The following FBF1 variants were observed in gnomAD, a reference collection of about 807,000 sequenced individuals.
FBF1 encodes the protein fas-binding factor 1.
In FBF1, 119 loss-of-function variants were observed where a neutral mutation model predicts 147.2. That is an observed-to-expected ratio of 0.81 (90% CI 0.70 to 0.94). FBF1 has a LOEUF of 0.94. Ranked by LOEUF, FBF1 falls within the 40% of genes least tolerant of loss-of-function variation. The pLI is 0.00. For missense variants in FBF1, 1,449 were observed against 1,500.8 expected, an observed-to-expected ratio of 0.97 and a Z score of 0.57; for synonymous variants, 601 against 609.0, an observed-to-expected ratio of 0.99 and a Z score of 0.19.
At chr17:75,938,445 C>A (rs780734387) in intron 1 of FBF1, among the ~76,000 whole-genome samples, 6 of 148,290 alleles carry the variant, frequency 4.0e-5, no homozygotes, top group Non-Finnish European at 8.9e-5. Context: ...TGTAATCCCG[C>A]AGCAGGAGGC....
In FBF1 at chr17:75,926,326, T is replaced by C. The variant is rs1013597138; in HGVS notation, c.696A>G (p.Gly232=). 5 of 1,613,304 alleles carry C rather than the reference T, an allele frequency of 3.1e-6. No homozygotes were observed. The East Asian group carries it at 1.1e-4, about 36-fold the overall frequency. ...GDDIMATLGF[G]DSPKAEKRQI... ...GCCTCTTCTCTGCTTTGGGGCTGTC[T>C]CCAAACCCCAAGGTGGCCATGATGT... Residue 232 remains glycine (G), a synonymous_variant, in exon 11 of 30, where the codon GGA becomes GGG. Coordinates refer to ENST00000636174, the MANE Select transcript of FBF1 (RefSeq NM_001319193.2).
intron 7 of FBF1, among the ~76,000 whole-genome samples, chr17:75,929,078 A>G (rs1314318272): frequency 6.6e-6 from 1 of 151,258 alleles, no homozygotes; most frequent in Admixed American, 6.6e-5. Context: ...GCAGCCTCCA[A>G]CTCCTAGGCT....
intron 16 of FBF1, 53 bp from the exon 17 acceptor site, chr17:75,921,355 C>A (rs1055349563): frequency 1.3e-6 from 2 of 1,560,798 alleles, no homozygotes; most frequent in East Asian, 2.4e-5. Flanking sequence ...ACTGGGCCTG[C>A]GAGTGTCCAG....
chr17:75,912,622 A>T (rs572164525), intron 28 of FBF1, among the ~76,000 whole-genome samples: 2 of 152,352 alleles, frequency 1.3e-5, no homozygotes, highest in East Asian at 3.9e-4. Context: ...ACAGTGGAAA[A>T]CTGTGCTGAT....
rs1350398141 is a variant in FBF1, at chr17:75,918,775, AG to A, written c.2139-507del. Reference sequence around the variant, plus strand: ...CCAAAGCACTGGGATTACAGGTGTGAGCCACCACGCCCGGCCCCAAGCAGTC... The same window carrying A: ...CCAAAGCACTGGGATTACAGGTGTGACCACCACGCCCGGCCCCAAGCAGTC... On this transcript the variant is annotated intron_variant, in intron 20 of 29. Coordinates refer to ENST00000636174, the MANE Select transcript of FBF1 (RefSeq NM_001319193.2). The surrounding 1 kb of genome is among the most constrained non-coding windows in gnomAD (Gnocchi z 5.8). Among the ~76,000 whole-genome samples, 2 of 149,392 alleles carry A rather than the reference AG, an allele frequency of 1.3e-5. No individual in the cohort carries two copies. Among genetic ancestry groups the A allele is most frequent in the Admixed American group, 6.7e-5 (1 of 14,982 alleles).
chr17:75,935,522 C>T (rs760298073), intron 4 of FBF1, 110 bp downstream of exon 4: 83 of 1,150,472 alleles, frequency 7.2e-5, no homozygotes, highest in East Asian at 2.9e-4. Context: ...GTTTAGGAGG[C>T]GGGAGGATCA....
At position 75,912,166 on chromosome 17, in the gene FBF1, G is replaced by A. The variant is rs540792714; in HGVS notation, c.3363+26C>T. ...AGCTGGAAGGACTCGTGAACACAAG[G>A]ATCCCCAAGGCCAGGAGAGACTCAC... On this transcript the variant is annotated intron_variant, in intron 29 of 29. Coordinates refer to ENST00000636174, the MANE Select transcript of FBF1 (RefSeq NM_001319193.2). 28 of 1,579,062 alleles carry A rather than the reference G, an allele frequency of 1.8e-5. No individual in the cohort carries two copies. The East Asian group carries it at 6.2e-4, about 35-fold the overall frequency.
At chr17:75,929,964 C>CCCCTTTAAAAAA in intron 7 of FBF1, 33 bp downstream of exon 7, 2 of 1,402,202 alleles carry the variant, frequency 1.4e-6, no homozygotes, top group Non-Finnish European at 2.0e-6. Flanking sequence ...CACCCACCCC[C>CCCCTTTAAAAAA]AGTTCTAAGA....
chr17:75,912,315 G>C lies in FBF1; in HGVS notation c.3248-8C>G, dbSNP rs1221675659. 6.4e-7 allele frequency: 1 copy of C among 1,569,368 alleles called. No individual in the cohort carries two copies. Among genetic ancestry groups the C allele is most frequent in the East Asian group, 2.3e-5 (1 of 43,766 alleles). On this transcript the variant is annotated splice_polypyrimidine_tract_variant and splice_region_variant and intron_variant, in intron 28 of 29. Coordinates refer to ENST00000636174, the MANE Select transcript of FBF1 (RefSeq NM_001319193.2). Reference sequence around the variant, plus strand: ...GAGCAGGAGGCATGAGGGCTGAAAAGGCCAAGGAGGAAGTCAGGGACCAAA... The same window carrying C: ...GAGCAGGAGGCATGAGGGCTGAAAACGCCAAGGAGGAAGTCAGGGACCAAA...
At position 75,918,554 on chromosome 17, in the gene FBF1, G is replaced by T. The variant is rs917882820; in HGVS notation, c.2139-285C>A. 6.6e-6 allele frequency among the ~76,000 whole-genome samples: 1 copy of T among 152,112 alleles called. No homozygotes were observed. The highest frequency in any genetic ancestry group is 2.4e-5 in the African/African-American group (1 of 41,432). ...ACTCTGTCGCCCAGGCTGGAGTTCAGTGGCATGATCTCGGCTCACTGCAAC... is the reference window on the plus strand; with the variant it reads ...ACTCTGTCGCCCAGGCTGGAGTTCATTGGCATGATCTCGGCTCACTGCAAC... On this transcript the variant is annotated intron_variant, in intron 20 of 29. Coordinates refer to ENST00000636174, the MANE Select transcript of FBF1 (RefSeq NM_001319193.2). This position sits in a 1 kb window ranked among gnomAD's most constrained non-coding sequence, Gnocchi z 5.8.
intron 2 of FBF1, chr17:75,937,803 G>A (rs1433666584): frequency 1.5e-6 from 1 of 650,230 alleles, no homozygotes; most frequent in Non-Finnish European, 2.7e-6. Context: ...AACCAGCGAT[G>A]GGTGCCAATG....
Position 75,940,879 on chromosome 17 carries a change from A to C in FBF1, c.-115T>G, listed in dbSNP as rs1001952107. ...GAGCGCCCGGCCTATCTGGCCCCGG[A>C]GCGCAGCCTGTAACGCTCTCAGCCC... On this transcript the variant is annotated 5_prime_UTR_variant, in exon 1 of 30. Transcript: ENST00000636174. The C allele has an allele frequency of 1.4e-4, 21 of 153,650 alleles. No homozygotes were observed. Among genetic ancestry groups the C allele is most frequent in the African/African-American group, 4.8e-4 (20 of 41,428 alleles). 9.5% of individuals were successfully genotyped at this position (153,650 alleles called of 1,614,324 possible). A position where few individuals can be genotyped will look rare whatever the true frequency, so the allele number is the denominator to read the frequency against.
Position 75,910,259 on chromosome 17 carries a change from C to T in FBF1, c.*464G>A, listed in dbSNP as rs2065449429. Reference sequence around the variant, plus strand: ...TGTCAGGAGGCCAGAGGGCCCTTCTCCAGCTCATCAGGGAGGGAACTGCTC... The same window carrying T: ...TGTCAGGAGGCCAGAGGGCCCTTCTTCAGCTCATCAGGGAGGGAACTGCTC... On this transcript the variant is annotated 3_prime_UTR_variant, in exon 30 of 30. Transcript: ENST00000636174. The surrounding 1 kb of genome is among the most constrained non-coding windows in gnomAD (Gnocchi z 4.1). The T allele has an allele frequency of 2.9e-6, 1 of 347,518 alleles. No individual in the cohort carries two copies. Among genetic ancestry groups the T allele is most frequent in the Non-Finnish European group, 5.6e-6 (1 of 177,392 alleles). The allele number at this position is 347,518 out of a possible 1,614,324, so 21.5% of individuals were successfully genotyped here.
chr17:75,921,162 A>C, intron 17 of FBF1, 82 bp downstream of exon 17: 1 of 1,396,802 alleles, frequency 7.2e-7, no homozygotes, highest in East Asian at 2.5e-5. Flanking sequence ...GCAGGTCGTC[A>C]GGTCAAACTG....
chr17:75,919,807 C>G lies in FBF1; in HGVS notation c.1999G>C (p.Glu667Gln), dbSNP rs747560402. ...TGCGACAGATACCGAGCTGACAGCT[C>G]TTCGTTCTCTCTCCGGAGCCGCTCC... ...REERLRRENE[E>Q]LSARYLSQCQ... The change falls in exon 20 of 30, where the codon GAG (glutamate) becomes CAG (glutamine). Residue 667 changes from glutamate to glutamine, a missense_variant. Glu to Gln is a conservative substitution (Grantham distance 29). Transcript: ENST00000636174. The surrounding 1 kb of genome is among the most constrained non-coding windows in gnomAD (Gnocchi z 5.0). 2.1e-5 allele frequency: 34 copies of G among 1,613,668 alleles called. No homozygotes were observed. The highest frequency in any genetic ancestry group is 1.0e-5 in the Non-Finnish European group (12 of 1,179,896).
chr17:75,937,582 G>A lies in FBF1; in HGVS notation c.15C>T (p.Thr5=). ...TCCACTCACCTTTACATCCTTTCTTGGTTTTTGGTGCCTAAAATGGGAAAA... is the reference window on the plus strand; with the variant it reads ...TCCACTCACCTTTACATCCTTTCTTAGTTTTTGGTGCCTAAAATGGGAAAA... MAPK[T]KKGCKGSIDD... The change falls in exon 3 of 30, where the codon ACC becomes ACT. Residue 5 remains threonine, a synonymous_variant. Transcript: ENST00000636174. 3 of 1,613,846 alleles carry A rather than the reference G, an allele frequency of 1.9e-6. No individual in the cohort carries two copies. The highest frequency in any genetic ancestry group is 1.1e-5 in the South Asian group (1 of 91,074).
chr17:75,915,547 G>C (rs1479752259), intron 23 of FBF1, among the ~76,000 whole-genome samples: 3 of 152,234 alleles, frequency 2.0e-5, no homozygotes, highest in African/African-American at 7.2e-5. Flanking sequence ...GAGCTTCACT[G>C]TGCCTGACCC....
intron 4 of FBF1, among the ~76,000 whole-genome samples, chr17:75,935,090 C>A (rs1167493574): frequency 6.6e-6 from 1 of 151,724 alleles, no homozygotes; most frequent in Non-Finnish European, 1.5e-5. Context: ...GATGGTTGTA[C>A]AACTTTTGAA....
intron 1 of FBF1, among the ~76,000 whole-genome samples, chr17:75,939,247 G>A (rs1302827051): frequency 7.1e-6 from 1 of 141,190 alleles, no homozygotes; most frequent in Admixed American, 7.5e-5. Context: ...AGTGAGCCGA[G>A]ATCGCCCCAC....
Sources: gnomAD v4.1 joint callset for allele counts (sites outside exome capture counted in the v4.1 genomes callset) on GRCh38, gnomAD v4.1.1 for gene constraint, Gnocchi (gnomAD v3.1) non-coding constraint, MANE v1.5 for transcripts, NCBI Gene and HGNC (gene_info 2026-07-23, HGNC 2026-07-21) for gene names.